Variants in EPHB2 observed in about 807,000 individuals in gnomAD.
The protein encoded by EPHB2 is EPH receptor B2.
EPHB2 carries 18 observed loss-of-function variants against 96.4 expected under a neutral mutation model. The ratio of observed to expected loss-of-function variants is 0.19; its 90% CI spans 0.13 to 0.28. EPHB2 has a LOEUF of 0.28. EPHB2 is among the 10% of genes least tolerant of loss of function. The pLI, the probability that EPHB2 is intolerant of heterozygous loss-of-function variation, is 1.00. For missense variants in EPHB2, 989 were observed against 1,355.4 expected, an observed-to-expected ratio of 0.73 and a Z score of 4.25; for synonymous variants, 506 against 534.1, an observed-to-expected ratio of 0.95 and a Z score of 0.72.
rs542745052 is a variant in EPHB2 at position 22,727,467 on chromosome 1, G to A, written c.61+16424G>A. ...CACTTCACTCCTTGAGCCAGGGAAT[G>A]GTTGCCAGTACCTTGCTGGGCCTCA... On this transcript the variant is annotated intron_variant, in intron 1 of 15. Coordinates refer to ENST00000374630, the MANE Select transcript of EPHB2 (RefSeq NM_017449.5). 1.2e-4 allele frequency among the ~76,000 whole-genome samples: 18 copies of A among 152,354 alleles called. No homozygotes were observed. In the South Asian group the frequency reaches 3.5e-3, roughly 30 times the overall value.
Position 22,909,168 on chromosome 1 carries a change from G to A in EPHB2, c.2499G>A (p.Gln833=). ...GGCCCTACTGGGACATGACCAACCA[G>A]GATGTAAGTCTCCAAGGGGATAGGC... ...GERPYWDMTN[Q]DVINAIEQDY... is the part of the protein sequence containing the mutation. The change falls in exon 13 of 16, where the codon CAG becomes CAA. Residue 833 remains glutamine, a synonymous_variant. Coordinates refer to ENST00000374630, the MANE Select transcript of EPHB2 (RefSeq NM_017449.5). 1 of 1,614,222 alleles carries A rather than the reference G, an allele frequency of 6.2e-7. No homozygotes were observed.
chr1:22,754,563 C>G (rs565799459), intron 1 of EPHB2, among the ~76,000 whole-genome samples: 1 of 151,180 alleles, frequency 6.6e-6, no homozygotes, highest in Non-Finnish European at 1.5e-5. Context: ...GAAAAGGTGG[C>G]GCGAGGTGTG....
chr1:22,829,242 G>A (rs1029068188), intron 3 of EPHB2, among the ~76,000 whole-genome samples: 1 of 152,272 alleles, frequency 6.6e-6, no homozygotes, highest in African/African-American at 2.4e-5. Flanking sequence ...TGGAGCCTTG[G>A]CAGGGAAGGT....
intron 1 of EPHB2, among the ~76,000 whole-genome samples, chr1:22,743,483 G>GT (rs1174909923): frequency 1.3e-5 from 2 of 151,750 alleles, no homozygotes; most frequent in African/African-American, 4.8e-5. Context: ...TTAATTTTAT[G>GT]TTTTTGAGAC....
Position 22,913,736 on chromosome 1 carries a change from T to G in EPHB2, c.*166T>G, listed in dbSNP as rs778821289. 6.2e-7 allele frequency: 1 copy of G among 1,600,842 alleles called. No homozygotes were observed. The highest frequency in any genetic ancestry group is 8.5e-7 in the Non-Finnish European group (1 of 1,174,320). On this transcript the variant is annotated 3_prime_UTR_variant, in exon 16 of 16. Coordinates refer to ENST00000374630, the MANE Select transcript of EPHB2 (RefSeq NM_017449.5). The surrounding 1 kb of genome is among the most constrained non-coding windows in gnomAD (Gnocchi z 4.1). ...GCCACGAGACGTCACCAAGAAAACA[T>G]GCAACTCAAACGACGGAAAAAAAAA...
intron 3 of EPHB2, among the ~76,000 whole-genome samples, chr1:22,798,770 T>C (rs1644802117): frequency 6.6e-6 from 1 of 151,866 alleles, no homozygotes; most frequent in Non-Finnish European, 1.5e-5. Flanking sequence ...ATGAGACCAG[T>C]AGTCTCATTT....
At chr1:22,865,342 C>G in intron 5 of EPHB2, 130 bp downstream of exon 5, 1 of 1,089,976 alleles carries the variant, frequency 9.2e-7, no homozygotes, top group South Asian at 1.3e-5. Context: ...TTCATGTGAT[C>G]GGTCCACCTG....
intron 1 of EPHB2, among the ~76,000 whole-genome samples, chr1:22,717,822 T>TC (rs576318311): frequency 6.6e-6 from 1 of 152,182 alleles, no homozygotes; most frequent in South Asian, 2.1e-4. Flanking sequence ...CAGCAGAGCC[T>TC]GGGGGTTACA....
intron 3 of EPHB2, among the ~76,000 whole-genome samples, chr1:22,849,657 A>G (rs933178794): frequency 2.0e-5 from 3 of 152,254 alleles, no homozygotes; most frequent in African/African-American, 7.2e-5. Context: ...AAATGAAATG[A>G]TAAAGAGACT....
chr1:22,766,880 T>C (rs1186783563), intron 1 of EPHB2, among the ~76,000 whole-genome samples: 1 of 152,156 alleles, frequency 6.6e-6, no homozygotes, highest in Non-Finnish European at 1.5e-5. Flanking sequence ...GGAACCCCAG[T>C]GTGGGGCTGG....
At chr1:22,908,201 G>C (rs1639978606) in intron 12 of EPHB2, 33 bp downstream of exon 12, 1 of 1,613,016 alleles carries the variant, frequency 6.2e-7, no homozygotes, top group Admixed American at 1.7e-5. Flanking sequence ...CGGAGTCACA[G>C]AGCCAGAGAA....
At chr1:22,778,680 C>G (rs1445320733) in intron 1 of EPHB2, among the ~76,000 whole-genome samples, 3 of 152,220 alleles carry the variant, frequency 2.0e-5, no homozygotes, top group Non-Finnish European at 4.4e-5. Context: ...TGCAAACCAG[C>G]CAGCCCATTT....
intron 1 of EPHB2, among the ~76,000 whole-genome samples, chr1:22,729,000 G>A (rs748403025): frequency 6.6e-6 from 1 of 152,208 alleles, no homozygotes; most frequent in South Asian, 2.1e-4. Context: ...TGTCTGGAGC[G>A]CTGCGTGGAG....
At chr1:22,754,637 G>A (rs569964171) in intron 1 of EPHB2, among the ~76,000 whole-genome samples, 2 of 151,240 alleles carry the variant, frequency 1.3e-5, no homozygotes, top group South Asian at 4.3e-4. Context: ...ACGGGGCCAT[G>A]GAGAGCACAC....
intron 5 of EPHB2, among the ~76,000 whole-genome samples, chr1:22,878,666 G>C (rs1328616024): frequency 6.6e-6 from 1 of 152,216 alleles, no homozygotes; most frequent in African/African-American, 2.4e-5. Flanking sequence ...GAAAACTGAG[G>C]CTCAGCAAGG....
At chr1:22,796,583 G>A (rs562728265) in intron 3 of EPHB2, among the ~76,000 whole-genome samples, 1 of 152,312 alleles carries the variant, frequency 6.6e-6, no homozygotes, top group South Asian at 2.1e-4. Context: ...CAAACAAAGG[G>A]GGCCAAGGCC....
chr1:22,750,685 A>T (rs1201063893), intron 1 of EPHB2, among the ~76,000 whole-genome samples: 1 of 152,258 alleles, frequency 6.6e-6, no homozygotes, highest in Non-Finnish European at 1.5e-5. Flanking sequence ...CCAGGACATC[A>T]TCTTGTTTTC....
At chr1:22,711,572 G>A (rs1233476987) in intron 1 of EPHB2, among the ~76,000 whole-genome samples, 1 of 151,758 alleles carries the variant, frequency 6.6e-6, no homozygotes, top group African/African-American at 2.4e-5. Context: ...GACTGGCAGA[G>A]TGGAAGGGAG....
chr1:22,866,209 C>CA (rs1638469593), intron 5 of EPHB2, among the ~76,000 whole-genome samples: 1 of 152,268 alleles, frequency 6.6e-6, no homozygotes, highest in Middle Eastern at 3.4e-3. Context: ...ATTCACTCAG[C>CA]AACCTTTGCC....
Sources: gnomAD v4.1 joint callset for allele counts (sites outside exome capture counted in the v4.1 genomes callset) on GRCh38, gnomAD v4.1.1 for gene constraint, Gnocchi (gnomAD v3.1) non-coding constraint, MANE v1.5 for transcripts, NCBI Gene and HGNC (gene_info 2026-07-23, HGNC 2026-07-21) for gene names.